SOX5: variants seen among roughly 807,000 people sequenced by gnomAD.
The protein encoded by SOX5 is transcription factor SOX-5.
A neutral mutation model predicts 92.0 loss-of-function variants in SOX5; 9 were observed. The ratio of observed to expected loss-of-function variants is 0.10; its 90% CI spans 0.06 to 0.17. The LOEUF (loss-of-function observed/expected upper bound fraction) is 0.17. Ranked by LOEUF, SOX5 falls within the 10% of genes least tolerant of loss-of-function variation. The pLI is 1.00. For missense variants in SOX5, 642 were observed against 944.5 expected, an observed-to-expected ratio of 0.68 and a Z score of 4.20; for synonymous variants, 344 against 336.3, an observed-to-expected ratio of 1.02 and a Z score of -0.25.
chr12:23,727,458 A>G (rs1332113347), intron 6 of SOX5, among the ~76,000 whole-genome samples: 1 of 152,122 alleles, frequency 6.6e-6, no homozygotes, highest in African/African-American at 2.4e-5. Flanking sequence ...AATAAGACCA[A>G]TAACATAAGG....
chr12:23,773,618 C>T (rs1057074274), intron 3 of SOX5, among the ~76,000 whole-genome samples: 4 of 152,074 alleles, frequency 2.6e-5, no homozygotes, highest in Non-Finnish European at 5.9e-5. Flanking sequence ...GTGATCCGCC[C>T]GCCTCAGCCT....
At chr12:23,639,106 T>A (rs1488887028) in intron 8 of SOX5, among the ~76,000 whole-genome samples, 2 of 152,082 alleles carry the variant, frequency 1.3e-5, no homozygotes, top group South Asian at 4.1e-4. Context: ...TAAGAACATA[T>A]ATGTTTGGTG....
rs886511489 is a variant in SOX5 at position 23,675,320 on chromosome 12, C to T, written c.811-9756G>A. Among the ~76,000 whole-genome samples the T allele has an allele frequency of 2.0e-5, 3 of 152,114 alleles. No individual in the cohort carries two copies. In the East Asian group the frequency reaches 5.8e-4, roughly 29 times the overall value. On this transcript the variant is annotated intron_variant, in intron 6 of 14. Transcript: ENST00000451604. ...TTTTCTGGCCAAGAGACCTTTTATT[C>T]TTCTATCCGTCCTCAGAGTGCAGAC...
intron 7 of SOX5, among the ~76,000 whole-genome samples, chr12:23,657,272 C>T (rs1311613870): frequency 6.6e-6 from 1 of 152,092 alleles, no homozygotes; most frequent in East Asian, 1.9e-4. Context: ...TAGATTATTA[C>T]GGAAGTAAAA....
intron 1 of SOX5, among the ~76,000 whole-genome samples, chr12:24,440,960 G>A (rs1387382716): frequency 6.6e-6 from 1 of 152,150 alleles, no homozygotes; most frequent in Non-Finnish European, 1.5e-5. Context: ...GCCATGACCT[G>A]GGTCACATCC....
intron 2 of SOX5, among the ~76,000 whole-genome samples, chr12:23,895,537 T>C (rs2097168488): frequency 6.6e-6 from 1 of 152,226 alleles, no homozygotes; most frequent in Admixed American, 6.5e-5. Flanking sequence ...TTATATTTTG[T>C]ATATTTTTTC....
intron 2 of SOX5, among the ~76,000 whole-genome samples, chr12:23,852,642 A>G (rs935684109): frequency 5.3e-5 from 8 of 152,218 alleles, no homozygotes; most frequent in Non-Finnish European, 1.2e-4. Context: ...AAACTAAATA[A>G]ATATTTAAAA....
In SOX5 at chr12:23,531,876, G is replaced by A. The variant is rs148841690; in HGVS notation, c.*2343C>T. The A allele has an allele frequency of 4.5e-4, 68 of 151,260 alleles. No individual in the cohort carries two copies. Among genetic ancestry groups the A allele is most frequent in the African/African-American group, 1.6e-3 (65 of 41,294 alleles). 9.4% of individuals were successfully genotyped at this position (151,260 alleles called of 1,614,324 possible). ...AAAAAAGAGAAAACTTACGGAAAGAGAAGTAAAATTGTGGGTAAATGTGTG... is the reference window on the plus strand; with the variant it reads ...AAAAAAGAGAAAACTTACGGAAAGAAAAGTAAAATTGTGGGTAAATGTGTG... On this transcript the variant is annotated 3_prime_UTR_variant, in exon 15 of 15. Transcript: ENST00000451604.
intron 5 of SOX5, among the ~76,000 whole-genome samples, chr12:23,736,997 AT>A (rs552925849): frequency 0.13 from 19,511 of 147,440 alleles, 1,942 homozygotes; most frequent in African/African-American, 0.29. Context: ...CCGACCTACG[AT>A]TTTTTTTTTT....
intron 3 of SOX5, among the ~76,000 whole-genome samples, chr12:24,226,852 T>TTGAATGAA (rs575561385): frequency 2.8e-4 from 35 of 123,048 alleles, no homozygotes; most frequent in South Asian, 5.7e-4. Flanking sequence ...AAAACAGTGA[T>TTGAATGAA]TGAATGAATG....
chr12:23,943,752 A>G (rs892297797), intron 1 of SOX5, among the ~76,000 whole-genome samples: 4 of 152,106 alleles, frequency 2.6e-5, no homozygotes, highest in Admixed American at 2.0e-4. Context: ...GAATTGATTT[A>G]AGGTTTGACA....
At chr12:23,926,738 A>G (rs1234724081) in intron 1 of SOX5, among the ~76,000 whole-genome samples, 1 of 152,106 alleles carries the variant, frequency 6.6e-6, no homozygotes, top group African/African-American at 2.4e-5. Context: ...ATAGTGTCAA[A>G]CAAATAGTAT....
At chr12:24,555,736 T>C (rs890812139) in intron 1 of SOX5, among the ~76,000 whole-genome samples, 5 of 152,146 alleles carry the variant, frequency 3.3e-5, no homozygotes, top group African/African-American at 7.2e-5. Context: ...CCAGGTCTCA[T>C]GTGTGTGAGT....
At chr12:23,645,574 C>T (rs2080728811) in intron 7 of SOX5, among the ~76,000 whole-genome samples, 1 of 152,114 alleles carries the variant, frequency 6.6e-6, no homozygotes, top group African/African-American at 2.4e-5. Context: ...TAGCAAAACA[C>T]CTGCAGATGT....
At chr12:24,302,067 C>T (rs1948029958) in intron 2 of SOX5, among the ~76,000 whole-genome samples, 2 of 151,982 alleles carry the variant, frequency 1.3e-5, no homozygotes, top group Admixed American at 1.3e-4. Flanking sequence ...CTCTTGGTTA[C>T]TTCAACAAAA....
At chr12:24,242,986 A>T (rs1419196829) in intron 3 of SOX5, among the ~76,000 whole-genome samples, 2 of 151,318 alleles carry the variant, frequency 1.3e-5, no homozygotes, top group Non-Finnish European at 2.9e-5. Context: ...GGTATATAAC[A>T]ACAATTTTAA....
intron 3 of SOX5, among the ~76,000 whole-genome samples, chr12:24,257,938 G>A (rs1941478675): frequency 6.6e-6 from 1 of 152,004 alleles, no homozygotes; most frequent in African/African-American, 2.4e-5. Flanking sequence ...ACTTTGGGAG[G>A]CCGAGGCAAG....
At chr12:24,288,211 G>T (rs887566564) in intron 2 of SOX5, among the ~76,000 whole-genome samples, 2 of 152,058 alleles carry the variant, frequency 1.3e-5, no homozygotes, top group African/African-American at 4.8e-5. Context: ...GTGGGTAGGG[G>T]CCAGGGATGC....
intron 4 of SOX5, among the ~76,000 whole-genome samples, chr12:24,198,688 G>A (rs971827254): frequency 1.3e-5 from 2 of 152,184 alleles, no homozygotes; most frequent in African/African-American, 4.8e-5. Context: ...TTTTACATAT[G>A]AGAAATTACT....
Sources: allele counts gnomAD v4.1 joint callset (sites outside exome capture counted in the v4.1 genomes callset), GRCh38; gene constraint gnomAD v4.1.1; transcripts MANE v1.5; gene names NCBI Gene and HGNC (gene_info 2026-07-23, HGNC 2026-07-21).